Variants in LRTM3 observed in about 807,000 individuals in gnomAD.
LRTM3 encodes the protein leucine-rich repeat transmembrane protein 3.
chr13:102,741,889 C>A, the LRTM3 span: 4 of 1,550,250 alleles, frequency 2.6e-6, no homozygotes, highest in Non-Finnish European at 3.5e-6. Context: ...TAATCCTTAA[C>A]GGTCCAATAT....
the LRTM3 span, chr13:102,741,972 T>G: frequency 5.2e-5 from 81 of 1,550,612 alleles, no homozygotes; most frequent in South Asian, 7.0e-4. Flanking sequence ...TCCTGTTTTC[T>G]AAGAATGCTG....
At chr13:102,756,069 C>T in the LRTM3 span, among the ~76,000 whole-genome samples, 5 of 150,814 alleles carry the variant, frequency 3.3e-5, no homozygotes, top group Non-Finnish European at 7.4e-5. Flanking sequence ...AAGCCATTCT[C>T]AGCCTCCCAA....
the LRTM3 span, chr13:102,740,351 C>T: frequency 6.5e-7 from 1 of 1,550,156 alleles, no homozygotes; most frequent in Non-Finnish European, 8.7e-7. Flanking sequence ...AGTTATAGTG[C>T]TTAGCTGATC....
At chr13:102,737,245 C>T in the LRTM3 span, 2 of 1,551,012 alleles carry the variant, frequency 1.3e-6, no homozygotes, top group Admixed American at 2.0e-5. Flanking sequence ...AGCTATCCAC[C>T]CCAAAAGACT....
chr13:102,747,055 C>A, the LRTM3 span: 2 of 1,551,154 alleles, frequency 1.3e-6, no homozygotes, highest in Non-Finnish European at 1.7e-6. Context: ...AGCTATCATG[C>A]AGGACTGCTT....
At chr13:102,735,717 G>T in the LRTM3 span, 1 of 1,550,782 alleles carries the variant, frequency 6.4e-7, no homozygotes, top group Non-Finnish European at 8.7e-7. Flanking sequence ...GTGTAACCAT[G>T]CAGTGACTCA....
chr13:102,746,127 T>C, the LRTM3 span: 1 of 1,551,148 alleles, frequency 6.4e-7, no homozygotes, highest in Non-Finnish European at 8.7e-7. Flanking sequence ...GTCTCTAAAG[T>C]AGTTTGTTCA....
the LRTM3 span, chr13:102,730,288 A>T: frequency 7.1e-6 from 11 of 1,551,440 alleles, no homozygotes; most frequent in Non-Finnish European, 9.6e-6. Flanking sequence ...CCTGACTTAA[A>T]TAAGAGTTGG....
At chr13:102,731,650 A>G in the LRTM3 span, 5 of 1,551,500 alleles carry the variant, frequency 3.2e-6, no homozygotes, top group South Asian at 1.2e-5. Context: ...ACTCAGAGAT[A>G]GCTTTGGTTG....
the LRTM3 span, chr13:102,729,656 G>C: frequency 4.2e-5 from 65 of 1,550,806 alleles, no homozygotes; most frequent in Non-Finnish European, 5.4e-5. Context: ...AAAAAAAAAG[G>C]GCCGGTTTTG....
chr13:102,734,578 T>C, the LRTM3 span: 1 of 1,551,340 alleles, frequency 6.4e-7, no homozygotes, highest in Non-Finnish European at 8.7e-7. Flanking sequence ...CGATTATTTT[T>C]TTTTGGTTCC....
the LRTM3 span, chr13:102,738,348 G>T: frequency 1.3e-6 from 2 of 1,550,902 alleles, no homozygotes; most frequent in Non-Finnish European, 1.7e-6. Context: ...AGTTCTGGAA[G>T]ATAGTATCTT....
At chr13:102,737,695 G>A in the LRTM3 span, 625 of 1,550,560 alleles carry the variant, frequency 4.0e-4, 1 homozygote, top group African/African-American at 1.5e-3. Flanking sequence ...TCTGTTGCAT[G>A]TAATCTTTTG....
the LRTM3 span, chr13:102,745,910 G>T: frequency 6.4e-7 from 1 of 1,551,102 alleles, no homozygotes; most frequent in Non-Finnish European, 8.7e-7. Context: ...CTGAATATTT[G>T]TACTTCCTGG....
the LRTM3 span, chr13:102,747,586 AC>A: frequency 6.4e-7 from 1 of 1,551,084 alleles, no homozygotes; most frequent in Non-Finnish European, 8.7e-7. Context: ...CTGCAATATG[AC>A]TATCCGTTGT....
At chr13:102,747,468 ATT>A in the LRTM3 span, 1 of 1,540,948 alleles carries the variant, frequency 6.5e-7, no homozygotes, top group South Asian at 1.2e-5. Context: ...GTTTCTGATA[ATT>A]TTTTTTTAAT....
At chr13:102,730,434 C>T in the LRTM3 span, 2 of 1,551,052 alleles carry the variant, frequency 1.3e-6, no homozygotes, top group South Asian at 1.2e-5. Context: ...ACAGCTGAAC[C>T]AGTAGCATTT....
At chr13:102,738,315 C>T in the LRTM3 span, 2 of 1,550,762 alleles carry the variant, frequency 1.3e-6, no homozygotes, top group African/African-American at 1.4e-5. Context: ...TTTTCCCCTG[C>T]CTCTGATGAT....
chr13:102,735,397 C>T, the LRTM3 span: 1 of 1,551,278 alleles, frequency 6.4e-7, no homozygotes, highest in Non-Finnish European at 8.7e-7. Flanking sequence ...GTGGGAGAGA[C>T]ACTTTTGCAA....
Sources: allele counts gnomAD v4.1 joint callset (sites outside exome capture counted in the v4.1 genomes callset), GRCh38; gene constraint gnomAD v4.1.1; transcripts MANE v1.5; gene names NCBI Gene and HGNC (gene_info 2026-07-23, HGNC 2026-07-21).